The following PTPN5 variants were observed in gnomAD, a reference collection of about 807,000 sequenced individuals.
The protein encoded by PTPN5 is protein tyrosine phosphatase non-receptor type 5, also known as tyrosine-protein phosphatase non-receptor type 5.
Under a neutral mutation model 73.9 loss-of-function variants are expected in PTPN5, and 29 were observed. The ratio of observed to expected loss-of-function variants is 0.39; its 90% confidence interval spans 0.29 to 0.54. The LOEUF is 0.54. Among genes scored for constraint, PTPN5 ranks in the 20% least tolerant of loss-of-function variants. PTPN5 has a pLI of 0.65. For missense variants in PTPN5, 652 were observed against 751.4 expected, an observed-to-expected ratio of 0.87 and a Z score of 1.55; for synonymous variants, 267 against 304.7, an observed-to-expected ratio of 0.88 and a Z score of 1.29.
chr11:18,756,907 G>A (rs540925539), intron 3 of PTPN5, among the ~76,000 whole-genome samples: 126 of 141,818 alleles, frequency 8.9e-4, no homozygotes, highest in African/African-American at 3.2e-3. Context: ...CTGAGTGACA[G>A]AGCAAGACTC....
At chr11:18,782,162 G>C (rs998892365) in intron 1 of PTPN5, among the ~76,000 whole-genome samples, 1 of 152,174 alleles carries the variant, frequency 6.6e-6, no homozygotes, top group South Asian at 2.1e-4. Context: ...TTGGCATTTA[G>C]AAATCTGTGT....
In PTPN5 at chr11:18,772,937, G is replaced by A. The variant is rs34169037; in HGVS notation, c.-113-866C>T. 9.8e-3 allele frequency among the ~76,000 whole-genome samples: 1,484 copies of A among 151,960 alleles called. 9 individuals are homozygous for A. The highest frequency in any genetic ancestry group is 0.016 in the Non-Finnish European group (1,120 of 67,958). ...AGGCAGAGGACTCAGGAGACGTTTG[G>A]TACCCAGGAAGGGCCATCTCTGGTG... On this transcript the variant is annotated intron_variant, in intron 1 of 14. Transcript: ENST00000358540.
intron 3 of PTPN5, among the ~76,000 whole-genome samples, chr11:18,765,348 T>A (rs1034689130): frequency 1.3e-5 from 2 of 152,078 alleles, no homozygotes; most frequent in Admixed American, 1.3e-4. Context: ...TGTGGTCAAC[T>A]GGACTCAAGC....
At chr11:18,772,478 T>C (rs1850948722) in intron 1 of PTPN5, among the ~76,000 whole-genome samples, 1 of 152,228 alleles carries the variant, frequency 6.6e-6, no homozygotes, top group South Asian at 2.1e-4. Flanking sequence ...TCCTCACGTC[T>C]GAGCAGACTG....
At chr11:18,771,586 G>A (rs1040068689) in intron 2 of PTPN5, among the ~76,000 whole-genome samples, 1 of 152,216 alleles carries the variant, frequency 6.6e-6, no homozygotes, top group Non-Finnish European at 1.5e-5. Context: ...CATCCCAGGT[G>A]TTTAGCACAG....
chr11:18,759,528 A>G (rs141832932), intron 3 of PTPN5, among the ~76,000 whole-genome samples: 67 of 152,346 alleles, frequency 4.4e-4, no homozygotes, highest in African/African-American at 1.6e-3. Context: ...GGCACCTGGG[A>G]TGGTACTTCT....
intron 8 of PTPN5, among the ~76,000 whole-genome samples, chr11:18,738,226 G>T (rs988250100): frequency 6.6e-5 from 10 of 152,208 alleles, no homozygotes; most frequent in Non-Finnish European, 1.0e-4. Flanking sequence ...ATAAATAGCT[G>T]ATGAATGAAG....
chr11:18,746,899 C>T (rs940561506), intron 3 of PTPN5, among the ~76,000 whole-genome samples: 1 of 152,216 alleles, frequency 6.6e-6, no homozygotes, highest in Admixed American at 6.5e-5. Flanking sequence ...TGCCCACACA[C>T]AGTTGACAGG....
intron 12 of PTPN5, 196 bp from the exon 13 acceptor site, chr11:18,730,014 T>C (rs1291332348): frequency 5.9e-6 from 4 of 674,744 alleles, no homozygotes; most frequent in Non-Finnish European, 1.0e-5. Flanking sequence ...GTTTTGGGGG[T>C]TGGTCAGCAG....
chr11:18,768,028 A>C (rs1440833943), intron 2 of PTPN5, among the ~76,000 whole-genome samples: 1 of 152,240 alleles, frequency 6.6e-6, no homozygotes, highest in East Asian at 1.9e-4. Flanking sequence ...TGTGGCTTTC[A>C]TGAAGGCAGG....
intron 3 of PTPN5, among the ~76,000 whole-genome samples, chr11:18,764,826 C>T (rs868450872): frequency 6.6e-6 from 1 of 152,202 alleles, no homozygotes. Context: ...CATCCTCCTG[C>T]CTCAGCCTCC....
At position 18,791,568 on chromosome 11, in the gene PTPN5, T is replaced by A. The variant is rs2134390824; in HGVS notation, c.-157A>T. 1 of 153,558 alleles carries A rather than the reference T, an allele frequency of 6.5e-6. No homozygotes were observed. The highest frequency in any genetic ancestry group is 1.9e-4 in the East Asian group (1 of 5,200). 9.5% of individuals were successfully genotyped at this position (153,558 alleles called of 1,614,324 possible). A position where few individuals can be genotyped will look rare whatever the true frequency, so the allele number is the denominator to read the frequency against. ...GGCGCCGGCGAGCAGGCGGGCAGGCTGGCGGGAGGATGCGCGCGCGAGTGT... is the reference window on the plus strand; with the variant it reads ...GGCGCCGGCGAGCAGGCGGGCAGGCAGGCGGGAGGATGCGCGCGCGAGTGT... On this transcript the variant is annotated 5_prime_UTR_variant, in exon 1 of 15. Transcript: ENST00000358540.
chr11:18,759,038 G>A (rs2134277080), intron 3 of PTPN5, among the ~76,000 whole-genome samples: 1 of 152,250 alleles, frequency 6.6e-6, no homozygotes, highest in South Asian at 2.1e-4. Context: ...TGCTGGTTCA[G>A]TGAGGTCTCA....
chr11:18,743,364 G>C lies in PTPN5; in HGVS notation c.357C>G (p.Leu119=). The change falls in exon 5 of 15, where the codon CTC becomes CTG. Residue 119 remains leucine, a synonymous_variant. Coordinates refer to ENST00000358540, the MANE Select transcript of PTPN5 (RefSeq NM_006906.2). Reference sequence around the variant, plus strand: ...TCAGGAGCGTCAGCAAAGAGGAGACGAGGTTTGTGGCGTTCTGTGACCAGA... The same window carrying C: ...TCAGGAGCGTCAGCAAAGAGGAGACCAGGTTTGTGGCGTTCTGTGACCAGA... ...GHIWSQNATN[L]VSSLLTLLKQ... 1 of 1,614,152 alleles carries C rather than the reference G, an allele frequency of 6.2e-7. No homozygotes were observed. Among genetic ancestry groups the C allele is most frequent in the Non-Finnish European group, 8.5e-7 (1 of 1,180,030 alleles).
chr11:18,783,554 A>G (rs1473448408), intron 1 of PTPN5, among the ~76,000 whole-genome samples: 2 of 152,216 alleles, frequency 1.3e-5, no homozygotes, highest in Admixed American at 6.5e-5. Context: ...GCGTACCTGA[A>G]ATAGAGTTAC....
chr11:18,739,642 G>A (rs753473667), intron 8 of PTPN5, among the ~76,000 whole-genome samples: 5 of 152,214 alleles, frequency 3.3e-5, no homozygotes, highest in East Asian at 3.9e-4. Flanking sequence ...GGCCCAGGGC[G>A]GAGGCCAAAG....
chr11:18,782,316 C>T (rs1192229749), intron 1 of PTPN5, among the ~76,000 whole-genome samples: 2 of 152,196 alleles, frequency 1.3e-5, no homozygotes, highest in African/African-American at 2.4e-5. Context: ...CAACCTCCAC[C>T]TCCCAGGTTC....
In PTPN5 at chr11:18,737,926, G is replaced by A. The variant is rs768279940; in HGVS notation, c.954C>T (p.Asp318=). 1.2e-6 allele frequency: 2 copies of A among 1,614,088 alleles called. No individual in the cohort carries two copies. The highest frequency in any genetic ancestry group is 2.7e-5 in the African/African-American group (2 of 74,930). The change falls in exon 9 of 15, where the codon GAC becomes GAT. Residue 318 remains aspartate, a synonymous_variant. Transcript: ENST00000358540. ...PMNFVDPKEY[D]IPGLVRKNRY... ...GGTTCTTCCGCACCAGCCCAGGGATGTCGTACTCTTTCGGATCCACAAAGT... is the reference window on the plus strand; with the variant it reads ...GGTTCTTCCGCACCAGCCCAGGGATATCGTACTCTTTCGGATCCACAAAGT...
At chr11:18,771,294 G>C (rs537494786) in intron 2 of PTPN5, among the ~76,000 whole-genome samples, 1 of 152,030 alleles carries the variant, frequency 6.6e-6, no homozygotes, top group Non-Finnish European at 1.5e-5. Flanking sequence ...TCCTCCCTTC[G>C]AGCCTTGTTT....
Sources: allele counts gnomAD v4.1 joint callset (sites outside exome capture counted in the v4.1 genomes callset), GRCh38; gene constraint gnomAD v4.1.1; transcripts MANE v1.5; gene names NCBI Gene and HGNC (gene_info 2026-07-23, HGNC 2026-07-21).